The following OXR1 variants were observed in gnomAD, a reference collection of about 807,000 sequenced individuals.
The protein encoded by OXR1 is oxidation resistance protein 1.
In OXR1, 41 loss-of-function variants were observed where a neutral mutation model predicts 104.6. The ratio of observed to expected loss-of-function variants is 0.39; its 90% CI spans 0.31 to 0.51. The LOEUF (loss-of-function observed/expected upper bound fraction) is 0.51, where lower values mean the gene tolerates loss of function less well. Among genes scored for constraint, OXR1 ranks in the 20% least tolerant of loss-of-function variants. The pLI is 0.77. For synonymous variants in OXR1, 348 were observed against 348.4 expected (o/e 1.00, Z 0.01); for missense variants, 955 against 1,031.9 (o/e 0.93, Z 1.02).
chr8:106,646,812 T>G (rs1273739831), intron 3 of OXR1, among the ~76,000 whole-genome samples: 1 of 152,260 alleles, frequency 6.6e-6, no homozygotes, highest in Non-Finnish European at 1.5e-5. Flanking sequence ...TTTGTCTTCA[T>G]GATGTAACAT....
rs541846053 is a variant in OXR1 at position 106,534,721 on chromosome 8, G to A, written c.220+15582G>A. 1.4e-4 allele frequency among the ~76,000 whole-genome samples: 21 copies of A among 152,278 alleles called. No individual in the cohort carries two copies. The South Asian group carries it at 4.1e-3, about 30-fold the overall frequency. Reference sequence around the variant, plus strand: ...TGGGAATAAAAGCACTTTCTTCATAGGATTTGTGTGATTATTAAATAAGAT... The same window carrying A: ...TGGGAATAAAAGCACTTTCTTCATAAGATTTGTGTGATTATTAAATAAGAT... On this transcript the variant is annotated intron_variant, in intron 3 of 16. Transcript: ENST00000517566.
chr8:106,667,309 T>C (rs1158111285), intron 3 of OXR1, among the ~76,000 whole-genome samples: 2 of 152,236 alleles, frequency 1.3e-5, no homozygotes, highest in African/African-American at 2.4e-5. Flanking sequence ...CTCTACATCA[T>C]TCTGTTTTCC....
intron 3 of OXR1, among the ~76,000 whole-genome samples, chr8:106,580,317 A>C (rs550822109): frequency 6.6e-6 from 1 of 152,338 alleles, no homozygotes; most frequent in South Asian, 2.1e-4. Context: ...GAAAAGTAGA[A>C]TCTTACATAG....
chr8:106,447,876 C>T lies in OXR1; in HGVS notation c.24-71067C>T, dbSNP rs992855305. ...GCCTTAGATGTTGGTCTGATACTAG[C>T]CCCACCCCCCAACAGCCGGGCTCCT... On this transcript the variant is annotated intron_variant, in intron 2 of 16. Coordinates refer to ENST00000517566, the MANE Select transcript of OXR1 (RefSeq NM_001198533.2). 9.4e-6 allele frequency: 14 copies of T among 1,485,384 alleles called. No individual in the cohort carries two copies. In the African/African-American group the frequency reaches 1.7e-4, roughly 18 times the overall value. 92.0% of individuals were successfully genotyped at this position (1,485,384 alleles called of 1,614,324 possible). A position where few individuals can be genotyped will look rare whatever the true frequency, so the allele number is the denominator to read the frequency against.
intron 1 of OXR1, among the ~76,000 whole-genome samples, chr8:106,350,170 G>A (rs899751556): frequency 4.6e-5 from 7 of 152,106 alleles, no homozygotes; most frequent in African/African-American, 9.7e-5. Context: ...GCTTACAATC[G>A]CATTAAAGTT....
intron 2 of OXR1, among the ~76,000 whole-genome samples, chr8:106,424,613 C>T (rs1819034945): frequency 6.6e-6 from 1 of 152,090 alleles, no homozygotes; most frequent in Non-Finnish European, 1.5e-5. Flanking sequence ...TTTCCAACAT[C>T]TAAAATTATT....
chr8:106,658,034 G>A (rs1825314515), intron 3 of OXR1: 1 of 1,248,640 alleles, frequency 8.0e-7, no homozygotes, highest in Non-Finnish European at 1.0e-6. Flanking sequence ...GCCTTCTGCG[G>A]GGCACGGCCA....
intron 2 of OXR1, among the ~76,000 whole-genome samples, chr8:106,473,422 T>G (rs1821624290): frequency 6.6e-6 from 1 of 151,934 alleles, no homozygotes; most frequent in Admixed American, 6.6e-5. Flanking sequence ...GAAAATGCCC[T>G]CATTAAGTAC....
chr8:106,396,309 C>G (rs1232877887), intron 2 of OXR1, among the ~76,000 whole-genome samples: 1 of 151,944 alleles, frequency 6.6e-6, no homozygotes, highest in African/African-American at 2.4e-5. Context: ...CTGACACACA[C>G]CGCCTGAGCC....
At chr8:106,442,535 C>T (rs770444123) in intron 2 of OXR1, among the ~76,000 whole-genome samples, 1 of 152,010 alleles carries the variant, frequency 6.6e-6, no homozygotes. Flanking sequence ...GCTGTGAATC[C>T]GTCTGGTCCT....
intron 11 of OXR1, among the ~76,000 whole-genome samples, 157 bp from the exon 12 acceptor site, chr8:106,737,363 T>C (rs1486545376): frequency 6.6e-6 from 1 of 151,586 alleles, no homozygotes; most frequent in Admixed American, 6.6e-5. Flanking sequence ...TAGTTTGATA[T>C]ATAAATCTCT....
Position 106,274,120 on chromosome 8 carries a change from A to T in OXR1, c.-139+3753A>T, listed in dbSNP as rs920676524. On this transcript the variant is annotated intron_variant, in intron 1 of 16. Transcript: ENST00000517566. The stretch of plus-strand genomic sequence containing the variant: ...GAAATCTTAGTATTTATAGGTATCT[A>T]CATAGAAAGGTAAGAATGTCGTATA... Among the ~76,000 whole-genome samples, 6 of 152,206 alleles carry T rather than the reference A, an allele frequency of 3.9e-5. No individual in the cohort carries two copies. The East Asian group carries it at 7.7e-4, about 20-fold the overall frequency.
chr8:106,508,739 T>TA (rs1812334290), intron 2 of OXR1, among the ~76,000 whole-genome samples: 1 of 152,242 alleles, frequency 6.6e-6, no homozygotes, highest in South Asian at 2.1e-4. Context: ...ATTCCTGAAT[T>TA]AAAATGTAGC....
intron 2 of OXR1, among the ~76,000 whole-genome samples, chr8:106,391,222 G>A (rs1165984115): frequency 6.6e-6 from 1 of 152,080 alleles, no homozygotes; most frequent in African/African-American, 2.4e-5. Flanking sequence ...GTCTATGCTT[G>A]TATTTGCCAT....
chr8:106,565,269 T>G (rs1429525927), intron 3 of OXR1, among the ~76,000 whole-genome samples: 1 of 152,168 alleles, frequency 6.6e-6, no homozygotes, highest in Non-Finnish European at 1.5e-5. Context: ...AATAAGCAAC[T>G]TCAGTGAGGT....
intron 2 of OXR1, among the ~76,000 whole-genome samples, chr8:106,367,386 T>A (rs560672452): frequency 3.9e-5 from 6 of 152,234 alleles, no homozygotes; most frequent in Non-Finnish European, 5.9e-5. Flanking sequence ...TAAGGGTAGG[T>A]TCATTGATAT....
chr8:106,600,566 T>A (rs1460855080), intron 3 of OXR1, among the ~76,000 whole-genome samples: 1 of 152,194 alleles, frequency 6.6e-6, no homozygotes, highest in Non-Finnish European at 1.5e-5. Flanking sequence ...AACAGATTAG[T>A]GAGTTTTAAC....
At chr8:106,742,464 A>G in intron 15 of OXR1, 147 bp downstream of exon 15, 4 of 549,140 alleles carry the variant, frequency 7.3e-6, no homozygotes, top group Non-Finnish European at 1.3e-5. Context: ...GTTCATGTGG[A>G]ACCCAAAAAG....
intron 3 of OXR1, among the ~76,000 whole-genome samples, chr8:106,525,644 C>T (rs938222675): frequency 1.3e-5 from 2 of 152,230 alleles, no homozygotes; most frequent in African/African-American, 4.8e-5. Context: ...AGCCTTTCCT[C>T]GGCAGGGCTC....
Sources: gnomAD v4.1 joint callset for allele counts (sites outside exome capture counted in the v4.1 genomes callset) on GRCh38, gnomAD v4.1.1 for gene constraint, MANE v1.5 for transcripts, NCBI Gene and HGNC (gene_info 2026-07-23, HGNC 2026-07-21) for gene names.